The following HEATR4 variants were observed in gnomAD, a reference collection of about 807,000 sequenced individuals.
HEATR4 encodes HEAT repeat containing 4.
HEATR4 carries 95 observed loss-of-function variants against 108.8 expected under a neutral mutation model. The observed-to-expected ratio is 0.87, with a 90% CI of 0.74 to 1.04. The LOEUF is 1.04. Ranked by LOEUF, HEATR4 falls within the 50% of genes least tolerant of loss-of-function variation. The pLI, the probability that HEATR4 is intolerant of heterozygous loss-of-function variation, is 0.00. For missense variants in HEATR4, 1,152 were observed against 1,253.8 expected (o/e 0.92, Z 1.23); for synonymous variants, 443 against 459.4 (o/e 0.96, Z 0.46).
intron 15 of HEATR4, among the ~76,000 whole-genome samples, chr14:73,496,012 C>G (rs942861139): frequency 1.3e-5 from 2 of 152,026 alleles, no homozygotes; most frequent in Non-Finnish European, 2.9e-5. Flanking sequence ...TGCCTATAAT[C>G]CCAGCTATTT....
At chr14:73,559,129 G>A (rs1889461503), upstream of HEATR4, among the ~76,000 whole-genome samples, 1 of 151,888 alleles carries the variant, frequency 6.6e-6, no homozygotes, top group Non-Finnish European at 1.5e-5. Context: ...TAGTTTCATG[G>A]AGTTTTTGGT....
In HEATR4 at chr14:73,512,123, C is replaced by A. The variant is rs774866110; in HGVS notation, c.1441G>T (p.Glu481Ter). 1.2e-6 allele frequency: 2 copies of A among 1,614,146 alleles called. No homozygotes were observed. The highest frequency in any genetic ancestry group is 1.7e-6 in the Non-Finnish European group (2 of 1,180,030). Reference sequence around the variant, plus strand: ...TCTCCCAAGCTCTGAAGCAGGTTCTCTACTGTCTCATGGTGCCACTCTATG... The same window carrying A: ...TCTCCCAAGCTCTGAAGCAGGTTCTATACTGTCTCATGGTGCCACTCTATG... ...LIIEWHHETVENLLQSLGDLH... is the reference protein window; with the variant it reads ...LIIEWHHETV The change falls in exon 7 of 18, where the codon GAG becomes TAG. Residue 481 changes from glutamate to a stop codon, truncating the protein, a stop_gained. Coordinates refer to ENST00000553558, the MANE Select transcript of HEATR4 (RefSeq NM_001220484.1). LOFTEE classifies it high-confidence loss of function.
At position 73,537,361 on chromosome 14, in the gene HEATR4, A is replaced by G; in HGVS notation, c.-151-7117T>C. ...GGCAGCCCGAGAGGAAGAGTTGGGC[A>G]GAGTTGCAGGGGTCTCCACAGCTGA... On this transcript the variant is annotated intron_variant, in intron 1 of 17. Coordinates refer to ENST00000553558, the MANE Select transcript of HEATR4 (RefSeq NM_001220484.1). The G allele has an allele frequency of 1.7e-6, 2 of 1,195,626 alleles. 1 individual carries two copies. The highest frequency in any genetic ancestry group is 5.3e-5 in the Admixed American group (2 of 37,884). 74.1% of individuals were successfully genotyped at this position (1,195,626 alleles called of 1,614,324 possible).
the HEATR4 span, among the ~76,000 whole-genome samples, chr14:73,613,682 C>A: frequency 9.9e-5 from 15 of 152,284 alleles, no homozygotes; most frequent in East Asian, 2.9e-3. Context: ...CTATTGGCAT[C>A]TAGCAGGCAG....
chr14:73,601,623 C>T, the HEATR4 span, among the ~76,000 whole-genome samples: 2 of 152,170 alleles, frequency 1.3e-5, no homozygotes, highest in South Asian at 4.1e-4. Context: ...TAAATTGGAT[C>T]ATTTTGTCTT....
intron 17 of HEATR4, chr14:73,491,008 TG>T: frequency 7.1e-7 from 1 of 1,416,200 alleles, no homozygotes. Context: ...AAGACTGGTG[TG>T]GTCTGGCCAT....
chr14:73,578,979 G>T, the HEATR4 span, among the ~76,000 whole-genome samples: 1 of 151,526 alleles, frequency 6.6e-6, no homozygotes, highest in African/African-American at 2.4e-5. Flanking sequence ...CAGCTACTCG[G>T]GAGGCTGAGG....
rs760642546 is a variant in HEATR4, at chr14:73,500,645, G to A, written c.2191C>T (p.Leu731Phe). ...GAGAAGCAGTGCAGGAAGCTTGGGA[G>A]AAGCTTGGCGGTCATAAGCTTGAGC... ...GELKLMTAKLLPSFLHCFSDD... is the reference protein window; with the variant it reads ...GELKLMTAKLFPSFLHCFSDD... The change falls in exon 12 of 18, where the codon CTC becomes TTC. Residue 731 changes from leucine to phenylalanine, a missense_variant. Leu to Phe is a conservative substitution (Grantham distance 22). Transcript: ENST00000553558. 6.2e-7 allele frequency: 1 copy of A among 1,614,218 alleles called. No individual in the cohort carries two copies. The highest frequency in any genetic ancestry group is 8.5e-7 in the Non-Finnish European group (1 of 1,180,022).
intron 1 of HEATR4, chr14:73,530,611 A>C (rs1888649485): frequency 8.2e-6 from 1 of 121,702 alleles, no homozygotes; most frequent in Non-Finnish European, 1.8e-5. Flanking sequence ...AAACTCTGCT[A>C]TAAAGATGAC....
At chr14:73,524,195 G>A (rs1412678630) in intron 2 of HEATR4, among the ~76,000 whole-genome samples, 2 of 150,380 alleles carry the variant, frequency 1.3e-5, no homozygotes, top group African/African-American at 4.9e-5. Context: ...GGGAGATTGA[G>A]GCAGGAGAAT....
chr14:73,569,510 G>A, the HEATR4 span: 1 of 1,609,592 alleles, frequency 6.2e-7, no homozygotes, highest in Non-Finnish European at 8.5e-7. Flanking sequence ...GCCTAGCCCC[G>A]GAGCAGCCGG....
Position 73,537,590 on chromosome 14 carries a change from C to G in HEATR4, c.-151-7346G>C, listed in dbSNP as rs1237681430. ...CCACGCGCGCTACCGCGCCGACACC[C>G]TTGGCGAGCTGGACCTGGAGCGCGC... On this transcript the variant is annotated intron_variant, in intron 1 of 17. Transcript: ENST00000553558. 4.1e-6 allele frequency: 5 copies of G among 1,223,418 alleles called. No individual in the cohort carries two copies. The African/African-American group carries it at 7.8e-5, about 19-fold the overall frequency. 75.8% of individuals were successfully genotyped at this position (1,223,418 alleles called of 1,614,324 possible).
chr14:73,620,510 A>G, the HEATR4 span, among the ~76,000 whole-genome samples: 1 of 151,506 alleles, frequency 6.6e-6, no homozygotes, highest in African/African-American at 2.4e-5. Flanking sequence ...GCCCTAACTG[A>G]CCACGTCTGA....
At chr14:73,550,013 G>GC (rs1889295796) in intron 1 of HEATR4, among the ~76,000 whole-genome samples, 1 of 99,996 alleles carries the variant, frequency 1.0e-5, no homozygotes, top group Admixed American at 1.2e-4. Context: ...AGCCCAGCTT[G>GC]CAGCACACAC....
chr14:73,601,354 A>G, the HEATR4 span, among the ~76,000 whole-genome samples: 4 of 151,638 alleles, frequency 2.6e-5, no homozygotes, highest in South Asian at 8.3e-4. Flanking sequence ...ACTTGAGGTC[A>G]GGAGTTCGAG....
At chr14:73,569,471 G>A in the HEATR4 span, 1 of 1,613,254 alleles carries the variant, frequency 6.2e-7, no homozygotes. Flanking sequence ...GCTGCTGCTG[G>A]GACGAACCGG....
At chr14:73,525,321 C>T (rs974681894) in intron 2 of HEATR4, among the ~76,000 whole-genome samples, 4 of 152,206 alleles carry the variant, frequency 2.6e-5, no homozygotes, top group African/African-American at 9.7e-5. Flanking sequence ...GTGTGAGCTA[C>T]AGCACTCAGC....
At chr14:73,582,914 G>T in the HEATR4 span, 2 of 152,002 alleles carry the variant, frequency 1.3e-5, no homozygotes, top group African/African-American at 4.8e-5. Context: ...ATTACTCTAT[G>T]CTGCACTTCT....
chr14:73,592,128 C>G, the HEATR4 span: 2 of 1,559,926 alleles, frequency 1.3e-6, no homozygotes, highest in South Asian at 2.4e-5. Flanking sequence ...CGCCGACGCC[C>G]GCGGCGAGCT....
Sources: gnomAD v4.1 joint callset for allele counts (sites outside exome capture counted in the v4.1 genomes callset) on GRCh38, gnomAD v4.1.1 for gene constraint, MANE v1.5 for transcripts, NCBI Gene and HGNC (gene_info 2026-07-23, HGNC 2026-07-21) for gene names.